Variants in NFATC1 observed in about 807,000 individuals in gnomAD.
NFATC1 encodes the protein nuclear factor of activated T-cells, cytoplasmic 1.
In NFATC1, 22 loss-of-function variants were observed where a neutral mutation model predicts 76.0. That is an observed-to-expected ratio of 0.29 (90% CI 0.21 to 0.41). The LOEUF is 0.41. Ranked by LOEUF, NFATC1 falls within the 10% of genes least tolerant of loss-of-function variation. The pLI is 1.00. For synonymous variants in NFATC1, 704 were observed against 613.1 expected (o/e 1.15, Z -2.19); for missense variants, 1,357 against 1,337.7 (o/e 1.01, Z -0.23).
intron 2 of NFATC1, among the ~76,000 whole-genome samples, chr18:79,424,242 C>T (rs1302707629): frequency 6.6e-6 from 1 of 152,164 alleles, no homozygotes; most frequent in Admixed American, 6.5e-5. Flanking sequence ...TGCGGGCCCA[C>T]CTGGCCTCTT....
At chr18:79,464,295 A>C (rs1397961378) in intron 7 of NFATC1, among the ~76,000 whole-genome samples, 1 of 152,016 alleles carries the variant, frequency 6.6e-6, no homozygotes, top group African/African-American at 2.4e-5. Flanking sequence ...GGATTTCACC[A>C]TGTTGTCCAG....
chr18:79,411,373 C>G lies in NFATC1; in HGVS notation c.1098C>G (p.Phe366Leu), dbSNP rs144894927. The G allele has an allele frequency of 1.3e-5, 20 of 1,585,868 alleles. No individual in the cohort carries two copies. Among genetic ancestry groups the G allele is most frequent in the Admixed American group, 1.8e-5 (1 of 56,238 alleles). ...DLGSPPPPAD[F>L]APEDYSSFQH... Reference sequence around the variant, plus strand: ...GCAGCCCCCCGCCCCCGGCCGACTTCGCGCCCGAAGACTACTCCTCTTTCC... The same window carrying G: ...GCAGCCCCCCGCCCCCGGCCGACTTGGCGCCCGAAGACTACTCCTCTTTCC... Residue 366 changes from phenylalanine (F) to leucine (L), a missense_variant, in exon 2 of 10, where the codon TTC becomes TTG. Physicochemically the swap from Phe to Leu is conservative, Grantham distance 22. Around this residue, in one of 3 missense-constraint regions of NFATC1, gnomAD observed 691 missense variants for 613.1 expected, o/e 1.13. Transcript: ENST00000427363.
intron 9 of NFATC1, among the ~76,000 whole-genome samples, chr18:79,513,086 G>A (rs1295447675): frequency 1.3e-5 from 2 of 152,180 alleles, no homozygotes; most frequent in Non-Finnish European, 2.9e-5. Context: ...ACTTTCGAAC[G>A]CTCGGCTCTC....
At chr18:79,510,850 GCCGGGGC>G in intron 9 of NFATC1, among the ~76,000 whole-genome samples, 1 of 150,492 alleles carries the variant, frequency 6.6e-6, no homozygotes, top group South Asian at 2.1e-4. Context: ...GGCATCCTCT[GCCGGGGC>G]ATCCTCTGCC....
Position 79,471,806 on chromosome 18 carries a change from C to G in NFATC1, c.2092+4224C>G, listed in dbSNP as rs766814043. On this transcript the variant is annotated intron_variant, in intron 8 of 9. Transcript: ENST00000427363. Reference sequence around the variant, plus strand: ...TGAAGGTGTCGGAACAGATCTGCCTCGGGATCTGGGGGTCCTTCACCAGGG... The same window carrying G: ...TGAAGGTGTCGGAACAGATCTGCCTGGGGATCTGGGGGTCCTTCACCAGGG... Among the ~76,000 whole-genome samples, 12 of 152,328 alleles carry G rather than the reference C, an allele frequency of 7.9e-5. No homozygotes were observed. In the South Asian group the frequency reaches 2.3e-3, roughly 29 times the overall value.
At chr18:79,440,105 G>A (rs1436710676) in intron 3 of NFATC1, among the ~76,000 whole-genome samples, 3 of 152,184 alleles carry the variant, frequency 2.0e-5, no homozygotes, top group Non-Finnish European at 1.5e-5. Flanking sequence ...ATTGGAGTGG[G>A]GGTGTGCAGC....
At chr18:79,483,244 C>T (rs1168563949) in intron 8 of NFATC1, among the ~76,000 whole-genome samples, 1 of 110,966 alleles carries the variant, frequency 9.0e-6, no homozygotes, top group Non-Finnish European at 1.9e-5. Context: ...TGGGGTGTCA[C>T]TCCAGCGTGA....
intron 1 of NFATC1, among the ~76,000 whole-genome samples, chr18:79,398,163 G>A (rs1057187118): frequency 6.6e-6 from 1 of 152,186 alleles, no homozygotes; most frequent in Non-Finnish European, 1.5e-5. Context: ...ATTAGGCGTC[G>A]TGGTTCCTGA....
In NFATC1 at chr18:79,411,387, ACTC is replaced by A. The variant is rs757200440; in HGVS notation, c.1116_1118del (p.Ser373del). 5.7e-4 allele frequency: 901 copies of A among 1,578,762 alleles called. 2 individuals carry two copies. Among genetic ancestry groups the A allele is most frequent in the Middle Eastern group, 2.6e-3 (15 of 5,864 alleles). On this transcript the variant is annotated inframe_deletion, in exon 2 of 10. Coordinates refer to ENST00000427363, the MANE Select transcript of NFATC1 (RefSeq NM_001278669.2). ...CCGGCCGACTTCGCGCCCGAAGACT[ACTC>A]CTCTTTCCAGCACATCAGGAAGGGC... is the stretch of plus-strand genomic sequence containing the variant.
intron 8 of NFATC1, among the ~76,000 whole-genome samples, chr18:79,480,099 G>A (rs932842612): frequency 5.3e-5 from 8 of 152,216 alleles, no homozygotes; most frequent in Non-Finnish European, 1.0e-4. Context: ...TGCCAGCTCC[G>A]GGCCAAGGGA....
chr18:79,443,156 G>A (rs2087051432), intron 3 of NFATC1, among the ~76,000 whole-genome samples: 1 of 152,234 alleles, frequency 6.6e-6, no homozygotes, highest in Admixed American at 6.5e-5. Context: ...AGTTTTATCT[G>A]TGGATCTGAA....
At position 79,395,938 on chromosome 18, in the gene NFATC1, G is replaced by C. The variant is rs1199894546; in HGVS notation, c.-287G>C. 5.6e-6 allele frequency: 1 copy of C among 177,782 alleles called. No homozygotes were observed. The highest frequency in any genetic ancestry group is 1.2e-5 in the Non-Finnish European group (1 of 85,726). 11.0% of individuals were successfully genotyped at this position (177,782 alleles called of 1,614,324 possible). On this transcript the variant is annotated 5_prime_UTR_variant, in exon 1 of 10. Transcript: ENST00000427363. ...AGGCAGAGCGCGGCCCTGCGTCAGA[G>C]CGAGACTCAGAGGCTCCGAACTCGC...
At chr18:79,488,061 T>C (rs1430052211) in intron 9 of NFATC1, among the ~76,000 whole-genome samples, 1 of 149,356 alleles carries the variant, frequency 6.7e-6, no homozygotes, top group Non-Finnish European at 1.5e-5. Flanking sequence ...GGGGGCGGCA[T>C]TAGCCCCTCC....
intron 9 of NFATC1, among the ~76,000 whole-genome samples, chr18:79,510,179 C>T (rs957629286): frequency 1.3e-5 from 2 of 152,220 alleles, no homozygotes; most frequent in African/African-American, 2.4e-5. Flanking sequence ...GTTCCCGGGC[C>T]GTCACTTCAG....
At chr18:79,402,024 C>T (rs2085279582) in intron 1 of NFATC1, among the ~76,000 whole-genome samples, 1 of 152,264 alleles carries the variant, frequency 6.6e-6, no homozygotes, top group Non-Finnish European at 1.5e-5. Context: ...GCCTCCCAGG[C>T]CTCCAGGGTG....
At chr18:79,499,405 T>C (rs1569034768) in intron 9 of NFATC1, among the ~76,000 whole-genome samples, 1 of 151,954 alleles carries the variant, frequency 6.6e-6, no homozygotes, top group Non-Finnish European at 1.5e-5. Flanking sequence ...CACTAGAAAA[T>C]ATGTGTGTAA....
At chr18:79,451,635 A>G in intron 5 of NFATC1, 41 bp from the exon 6 acceptor site, 1 of 1,509,234 alleles carries the variant, frequency 6.6e-7, no homozygotes, top group Non-Finnish European at 8.9e-7. Flanking sequence ...CAGGCCGCCC[A>G]CTCAGGACAG....
intron 9 of NFATC1, among the ~76,000 whole-genome samples, chr18:79,516,550 G>A (rs926570098): frequency 3.3e-5 from 5 of 152,174 alleles, no homozygotes; most frequent in African/African-American, 9.7e-5. Context: ...TCAGCCGAGC[G>A]CCGGGCGCCC....
At chr18:79,457,564 G>A (rs1322055373) in intron 6 of NFATC1, among the ~76,000 whole-genome samples, 3 of 152,244 alleles carry the variant, frequency 2.0e-5, no homozygotes, top group South Asian at 2.1e-4. Context: ...CAGCTTTATC[G>A]AAATATGATC....
Sources: gnomAD v4.1 joint callset for allele counts (sites outside exome capture counted in the v4.1 genomes callset) on GRCh38, gnomAD v4.1.1 for gene constraint, gnomAD v4.1.1 regional missense constraint, MANE v1.5 for transcripts, NCBI Gene and HGNC (gene_info 2026-07-23, HGNC 2026-07-21) for gene names.